XRRA1: variants seen among roughly 807,000 people sequenced by gnomAD.
XRRA1 encodes the protein X-ray radiation resistance associated 1, also known as X-ray radiation resistance-associated protein 1.
Under a neutral mutation model 80.2 loss-of-function variants are expected in XRRA1, and 69 were observed. The observed-to-expected ratio is 0.86, with a 90% CI of 0.71 to 1.05. XRRA1 has a LOEUF of 1.05. Ranked by LOEUF, XRRA1 falls within the 50% of genes least tolerant of loss-of-function variation. The pLI, the probability that XRRA1 is intolerant of heterozygous loss-of-function variation, is 0.00. For missense variants in XRRA1, 967 were observed against 976.4 expected (o/e 0.99, Z 0.13); for synonymous variants, 348 against 389.9 (o/e 0.89, Z 1.27).
At chr11:74,861,759 G>T (rs1051721049) in intron 11 of XRRA1, among the ~76,000 whole-genome samples, 4 of 152,184 alleles carry the variant, frequency 2.6e-5, no homozygotes, top group East Asian at 1.9e-4. Context: ...AACTGTGATT[G>T]TAAGTATAAC....
chr11:74,888,510 C>G (rs938131082), intron 10 of XRRA1, among the ~76,000 whole-genome samples: 26 of 152,294 alleles, frequency 1.7e-4, no homozygotes, highest in African/African-American at 6.3e-4. Flanking sequence ...AATCAGAATG[C>G]CTCTCCTCCT....
chr11:74,860,573 C>A (rs2042109836), intron 11 of XRRA1, among the ~76,000 whole-genome samples: 1 of 152,234 alleles, frequency 6.6e-6, no homozygotes, highest in Non-Finnish European at 1.5e-5. Context: ...AACTCACTTT[C>A]TAGATTTTCA....
chr11:74,853,845 AC>A (rs1416221574), intron 12 of XRRA1, among the ~76,000 whole-genome samples: 2 of 152,180 alleles, frequency 1.3e-5, no homozygotes, highest in Non-Finnish European at 2.9e-5. Flanking sequence ...GAAAGAGGGC[AC>A]CTGGTGCAAA....
chr11:74,879,710 C>T (rs1350832233), intron 10 of XRRA1, among the ~76,000 whole-genome samples: 3 of 149,988 alleles, frequency 2.0e-5, no homozygotes, highest in African/African-American at 4.9e-5. Flanking sequence ...TTTTCTGCAT[C>T]TGTTGAGATA....
chr11:74,933,603 T>C (rs1296823851), intron 5 of XRRA1, 198 bp downstream of exon 5: 3 of 551,392 alleles, frequency 5.4e-6, no homozygotes, highest in Non-Finnish European at 9.8e-6. Context: ...AAGGGCAATA[T>C]AAAATTTGTA....
At chr11:74,856,135 A>G (rs887245238) in intron 12 of XRRA1, among the ~76,000 whole-genome samples, 2 of 151,958 alleles carry the variant, frequency 1.3e-5, no homozygotes, top group Non-Finnish European at 2.9e-5. Flanking sequence ...CCATCTGAAC[A>G]ACAACAACAA....
At chr11:74,896,933 GC>G (rs2052463710) in intron 10 of XRRA1, among the ~76,000 whole-genome samples, 1 of 152,098 alleles carries the variant, frequency 6.6e-6, no homozygotes, top group Admixed American at 6.6e-5. Flanking sequence ...GCACAAATAA[GC>G]CCAGATTATG....
chr11:74,851,939 C>T, intron 13 of XRRA1, 50 bp downstream of exon 13: 4 of 1,524,474 alleles, frequency 2.6e-6, no homozygotes, highest in Non-Finnish European at 3.6e-6. Flanking sequence ...GGGTGCCACA[C>T]TGCTCCTTGG....
intron 12 of XRRA1, among the ~76,000 whole-genome samples, chr11:74,853,960 G>A (rs576937988): frequency 1.3e-5 from 2 of 152,184 alleles, no homozygotes; most frequent in African/African-American, 4.8e-5. Flanking sequence ...ACCTAAATTT[G>A]ACAAGACTTG....
chr11:74,846,673 CAGT>C (rs1357480809), intron 15 of XRRA1, among the ~76,000 whole-genome samples: 1 of 152,090 alleles, frequency 6.6e-6, no homozygotes, highest in Non-Finnish European at 1.5e-5. Context: ...ATGATCATCT[CAGT>C]AGACATAGGA....
chr11:74,896,515 T>C (rs951886876), intron 10 of XRRA1, among the ~76,000 whole-genome samples: 7 of 151,772 alleles, frequency 4.6e-5, no homozygotes, highest in Non-Finnish European at 8.8e-5. Flanking sequence ...GAATAGAATA[T>C]CGTGTAAATT....
intron 10 of XRRA1, among the ~76,000 whole-genome samples, chr11:74,890,256 C>A (rs1238398677): frequency 1.3e-5 from 2 of 152,094 alleles, no homozygotes; most frequent in Non-Finnish European, 2.9e-5. Context: ...CTCACTCAAA[C>A]CCGCTCAACT....
At chr11:74,945,436 A>G (rs1003115751) in intron 1 of XRRA1, among the ~76,000 whole-genome samples, 2 of 152,244 alleles carry the variant, frequency 1.3e-5, no homozygotes, top group Admixed American at 6.5e-5. Context: ...AAGTTGAAAG[A>G]TAAGACACAG....
intron 10 of XRRA1, among the ~76,000 whole-genome samples, chr11:74,870,555 CA>C (rs1175537466): frequency 6.6e-6 from 1 of 152,154 alleles, no homozygotes; most frequent in African/African-American, 2.4e-5. Context: ...GAATATAATG[CA>C]AAGGATTGCC....
At chr11:74,889,888 C>A (rs1008916497) in intron 10 of XRRA1, among the ~76,000 whole-genome samples, 4 of 152,278 alleles carry the variant, frequency 2.6e-5, no homozygotes, top group Non-Finnish European at 4.4e-5. Context: ...CAGGAGCACC[C>A]AGATTCATAA....
chr11:74,845,167 C>T lies in XRRA1; in HGVS notation c.1833G>A (p.Arg611=), dbSNP rs766432171. The change falls in exon 16 of 19, where the codon CGG becomes CGA. Residue 611 remains arginine (R), a synonymous_variant. Coordinates refer to ENST00000684022, the MANE Select transcript of XRRA1 (RefSeq NM_001378157.1). ...PTAPREVKGT[R]RKLPTAFLPS... is the part of the protein sequence containing the mutation. ...GAAGGAAGGCAGTTGGGAGTTTCCT[C>T]CGAGTCCCTTTCACCTCTCTGGGTG... 5.6e-6 allele frequency: 9 copies of T among 1,614,072 alleles called. No individual in the cohort carries two copies. The South Asian group carries it at 7.7e-5, about 14-fold the overall frequency.
At chr11:74,942,333 T>C (rs1438950049) in intron 2 of XRRA1, among the ~76,000 whole-genome samples, 1 of 152,070 alleles carries the variant, frequency 6.6e-6, no homozygotes, top group East Asian at 1.9e-4. Context: ...TCAGACTTTA[T>C]GTATGAAAGA....
chr11:74,922,847 A>T (rs1223402585), intron 7 of XRRA1, among the ~76,000 whole-genome samples: 1 of 152,218 alleles, frequency 6.6e-6, no homozygotes, highest in Non-Finnish European at 1.5e-5. Flanking sequence ...TTATGTAGAT[A>T]AAGCCTTTAT....
chr11:74,868,429 T>G (rs2043971538), intron 10 of XRRA1, among the ~76,000 whole-genome samples: 1 of 152,178 alleles, frequency 6.6e-6, no homozygotes, highest in African/African-American at 2.4e-5. Flanking sequence ...AAAACACACT[T>G]AAGTAAATAG....
Sources: gnomAD v4.1 joint callset for allele counts (sites outside exome capture counted in the v4.1 genomes callset) on GRCh38, gnomAD v4.1.1 for gene constraint, MANE v1.5 for transcripts, NCBI Gene and HGNC (gene_info 2026-07-23, HGNC 2026-07-21) for gene names.